CD8B2: variants seen among roughly 807,000 people sequenced by gnomAD.
CD8B2 encodes the protein T-cell surface glycoprotein CD8 beta-2 chain.
In CD8B2, 11 loss-of-function variants were observed where a neutral mutation model predicts 23.7. The observed-to-expected ratio is 0.46, with a 90% CI of 0.29 to 0.77. The LOEUF (loss-of-function observed/expected upper bound fraction) is 0.77. Among genes scored for constraint, CD8B2 ranks in the 30% least tolerant of loss-of-function variants. CD8B2 has a pLI of 0.09. For missense variants in CD8B2, 197 were observed against 270.5 expected (o/e 0.73, Z 1.91); for synonymous variants, 90 against 109.3 (o/e 0.82, Z 1.10).
chr2:106,535,554 A>T (rs1454308570), intron 5 of CD8B2, among the ~76,000 whole-genome samples: 6 of 152,148 alleles, frequency 3.9e-5, no homozygotes, highest in African/African-American at 1.4e-4. Flanking sequence ...TAGAGAAAAC[A>T]TCACCCGTAA....
chr2:106,544,236 G>A, exon 6 of CD8B2: 1 of 395,478 alleles, frequency 2.5e-6, no homozygotes, highest in East Asian at 3.6e-5. Context: ...TATTTGAATA[G>A]GTTTTTGAAT....
chr2:106,510,840 A>C lies in CD8B2; in HGVS notation c.*3900A>C, dbSNP rs1201463397. On this transcript the variant is annotated 3_prime_UTR_variant, in exon 6 of 6. Transcript: ENST00000643224. ...ATAATACATAAAATAGAGAATATAG[A>C]AAATTAAATCTTCTAATATTGTTCT... 6.6e-6 allele frequency: 1 copy of C among 152,156 alleles called. No homozygotes were observed. The highest frequency in any genetic ancestry group is 1.9e-4 in the East Asian group (1 of 5,202). The allele number at this position is 152,156 out of a possible 1,614,324, so 9.4% of individuals were successfully genotyped here.
chr2:106,542,744 T>C (rs894956934), intron 5 of CD8B2, among the ~76,000 whole-genome samples: 1 of 148,706 alleles, frequency 6.7e-6, no homozygotes, highest in Non-Finnish European at 1.5e-5. Context: ...GAAATATATA[T>C]GAAATACATA....
At chr2:106,523,455 C>A (rs1573346896) in intron 5 of CD8B2, among the ~76,000 whole-genome samples, 1 of 152,112 alleles carries the variant, frequency 6.6e-6, no homozygotes, top group Admixed American at 6.5e-5. Flanking sequence ...GAGTGGAAAG[C>A]CTCACCGTAG....
At chr2:106,524,985 G>A (rs1241025261) in intron 5 of CD8B2, among the ~76,000 whole-genome samples, 5 of 152,302 alleles carry the variant, frequency 3.3e-5, no homozygotes, top group Non-Finnish European at 5.9e-5. Context: ...GTCTGTAAGA[G>A]TTAAACTGCT....
chr2:106,524,455 G>A (rs1679879287), intron 5 of CD8B2, among the ~76,000 whole-genome samples: 2 of 152,128 alleles, frequency 1.3e-5, no homozygotes, highest in South Asian at 2.1e-4. Flanking sequence ...GCCCTCAGCC[G>A]ATTCCTGAAG....
chr2:106,499,531 CA>C (rs58020024), intron 3 of CD8B2, among the ~76,000 whole-genome samples: 68,497 of 87,260 alleles, frequency 0.78, 25,609 homozygotes, highest in East Asian at 0.91. Flanking sequence ...GACCCTGTCT[CA>C]AAAAAAAAAA....
intron 3 of CD8B2, among the ~76,000 whole-genome samples, chr2:106,499,359 C>T (rs541792910): frequency 6.1e-4 from 93 of 152,092 alleles, no homozygotes; most frequent in African/African-American, 2.2e-3. Context: ...ATGGCGAAAC[C>T]CGTCTCCACT....
rs151062354 is a variant in CD8B2 at position 106,522,875 on chromosome 2, C to T, written c.620+18550C>T. On this transcript the variant is annotated intron_variant, in intron 5 of 5. Coordinates refer to the CD8B2 transcript ENST00000416057. ...CCCACTGAATCCCAGGCAATCATTC[C>T]GTCAGGGGCTCAGAGAATGTGCTCC... Among the ~76,000 whole-genome samples the T allele has an allele frequency of 9.9e-5, 15 of 152,240 alleles. No individual in the cohort carries two copies. In the East Asian group the frequency reaches 2.3e-3, roughly 24 times the overall value.
rs1679464766 is a variant in CD8B2, at chr2:106,504,319, T to C, written c.614T>C (p.Met205Thr). 9.0e-6 allele frequency: 14 copies of C among 1,554,726 alleles called. No homozygotes were observed. Among genetic ancestry groups the C allele is most frequent in the Non-Finnish European group, 6.1e-6 (7 of 1,148,740 alleles). ...CGGAGGAGAGCCCGGCTTCGTTTCATGAAACAGTAAGTGTATAACCTGGGT... is the reference window on the plus strand; with the variant it reads ...CGGAGGAGAGCCCGGCTTCGTTTCACGAAACAGTAAGTGTATAACCTGGGT... The part of the protein sequence containing the change: ...CRRRRARLRF[M>T]KQFYK The change falls in exon 5 of 6, where the codon ATG becomes ACG. Residue 205 changes from methionine to threonine, a missense_variant. Met to Thr is a moderately conservative substitution (Grantham distance 81, BLOSUM62 -1). Coordinates refer to ENST00000643224, the MANE Select transcript of CD8B2 (RefSeq NM_001349727.2).
At chr2:106,534,309 A>G (rs1680054167) in intron 5 of CD8B2, among the ~76,000 whole-genome samples, 1 of 152,222 alleles carries the variant, frequency 6.6e-6, no homozygotes, top group African/African-American at 2.4e-5. Flanking sequence ...GTTGGTCCAT[A>G]GAACAACTTA....
Position 106,506,980 on chromosome 2 carries a change from T to A in CD8B2, c.*40T>A. On this transcript the variant is annotated 3_prime_UTR_variant, in exon 6 of 6. Coordinates refer to ENST00000643224, the MANE Select transcript of CD8B2 (RefSeq NM_001349727.2). ...TTTGGTGTCCTGCTACAAAAAGACA[T>A]CGGTCAGTAACGAGCACGATGTGGA... is the stretch of plus-strand genomic sequence containing the variant. 1 of 1,590,048 alleles carries A rather than the reference T, an allele frequency of 6.3e-7. No homozygotes were observed. The highest frequency in any genetic ancestry group is 1.7e-4 in the Middle Eastern group (1 of 5,918).
chr2:106,522,536 T>C (rs1558884069), intron 5 of CD8B2, among the ~76,000 whole-genome samples: 1 of 152,202 alleles, frequency 6.6e-6, no homozygotes, highest in African/African-American at 2.4e-5. Context: ...TCTTACTCTG[T>C]TCAGTCTTTG....
At chr2:106,520,388 C>G (rs1003803383) in intron 5 of CD8B2, among the ~76,000 whole-genome samples, 3 of 152,124 alleles carry the variant, frequency 2.0e-5, no homozygotes, top group African/African-American at 7.2e-5. Flanking sequence ...GGCTTCCCTA[C>G]CTGGGGCCTT....
chr2:106,526,434 C>T (rs4455150), intron 5 of CD8B2, among the ~76,000 whole-genome samples: 14,176 of 152,138 alleles, frequency 0.093, 1,079 homozygotes, highest in African/African-American at 0.22. Context: ...ACATGCCTGC[C>T]ACCCCCTCTT....
chr2:106,503,246 C>T (rs553702724), intron 4 of CD8B2, among the ~76,000 whole-genome samples: 1 of 152,288 alleles, frequency 6.6e-6, no homozygotes, highest in South Asian at 2.1e-4. Context: ...CTCGAGCCAG[C>T]CCCTTCCCCT....
chr2:106,542,749 TAC>T (rs1406838654), intron 5 of CD8B2, among the ~76,000 whole-genome samples: 1 of 148,810 alleles, frequency 6.7e-6, no homozygotes, highest in East Asian at 1.9e-4. Context: ...ATATATGAAA[TAC>T]ATACTATATA....
chr2:106,513,115 A>C (rs1254782267), downstream of CD8B2, among the ~76,000 whole-genome samples: 83 of 135,570 alleles, frequency 6.1e-4, no homozygotes, highest in Admixed American at 8.0e-4. Flanking sequence ...TGGCTCCCCC[A>C]CCCATCCGCC....
At chr2:106,530,145 T>C (rs1244148773) in intron 5 of CD8B2, among the ~76,000 whole-genome samples, 2 of 152,154 alleles carry the variant, frequency 1.3e-5, no homozygotes. Context: ...CCCTTCCTAT[T>C]GTATAAAGTG....
Sources: allele counts gnomAD v4.1 joint callset (sites outside exome capture counted in the v4.1 genomes callset), GRCh38; gene constraint gnomAD v4.1.1; transcripts MANE v1.5; gene names NCBI Gene and HGNC (gene_info 2026-07-23, HGNC 2026-07-21).